The following NRXN3 variants were observed in gnomAD, a reference collection of about 807,000 sequenced individuals.
The protein encoded by NRXN3 is neurexin 3, also known as neurexin III.
NRXN3 carries 32 observed loss-of-function variants against 137.6 expected under a neutral mutation model. The observed-to-expected ratio is 0.23, with a 90% CI of 0.18 to 0.31. The LOEUF is 0.31. Ranked by LOEUF, NRXN3 falls within the 10% of genes least tolerant of loss-of-function variation. The pLI is 1.00. For synonymous variants in NRXN3, 798 were observed against 784.5 expected, an observed-to-expected ratio of 1.02 and a Z score of -0.29; for missense variants, 1,574 against 2,062.5, an observed-to-expected ratio of 0.76 and a Z score of 4.59.
Position 79,514,995 on chromosome 14 carries a change from A to T in NRXN3, c.3444+47593A>T, listed in dbSNP as rs752451322. Among the ~76,000 whole-genome samples, 6 of 150,540 alleles carry T rather than the reference A, an allele frequency of 4.0e-5. 1 individual carries two copies. The highest frequency in any genetic ancestry group is 8.8e-5 in the Non-Finnish European group (6 of 68,040). On this transcript the variant is annotated intron_variant, in intron 16 of 20. Transcript: ENST00000335750. ...CTGACTCACTGCACACTCTAGGCAG[A>T]ATTATTTAACTCCTTCAGTCTTTGT...
intron 14 of NRXN3, among the ~76,000 whole-genome samples, chr14:78,986,312 A>G (rs1228448781): frequency 6.6e-6 from 1 of 152,196 alleles, no homozygotes. Flanking sequence ...TGGGAAATTC[A>G]TGGAGTTATA....
chr14:78,430,368 G>T (rs989025307), intron 4 of NRXN3, among the ~76,000 whole-genome samples: 2 of 152,340 alleles, frequency 1.3e-5, no homozygotes, highest in East Asian at 3.9e-4. Flanking sequence ...AGTATTTTTA[G>T]AGGCACTCTT....
rs2097175262 is a variant in NRXN3, at chr14:78,598,368, C to A, written c.758-46752C>A. ...GCACAACTCCTGACCTGAGATTCTG[C>A]AGAGAGAGAGAGAGAGGGAGGGAGG... On this transcript the variant is annotated intron_variant, in intron 4 of 20. Transcript: ENST00000335750. 1.3e-5 allele frequency among the ~76,000 whole-genome samples: 2 copies of A among 149,072 alleles called. 1 individual carries two copies. Among genetic ancestry groups the A allele is most frequent in the South Asian group, 4.3e-4 (2 of 4,640 alleles).
At position 79,503,001 on chromosome 14, in the gene NRXN3, G is replaced by A. The variant is rs180990013; in HGVS notation, c.3444+35599G>A. 5.8e-4 allele frequency among the ~76,000 whole-genome samples: 88 copies of A among 152,126 alleles called. 1 individual carries two copies. Among genetic ancestry groups the A allele is most frequent in the Non-Finnish European group, 9.9e-4 (67 of 67,996 alleles). ...AAAATAGCCTGCCCAGCCAAGTGAC[G>A]TGGCATTCAGGGGTTATGGTGGCTT... On this transcript the variant is annotated intron_variant, in intron 16 of 20. Coordinates refer to ENST00000335750, the MANE Select transcript of NRXN3 (RefSeq NM_001330195.2).
At chr14:79,535,838 G>T (rs2097206142) in intron 16 of NRXN3, among the ~76,000 whole-genome samples, 1 of 152,158 alleles carries the variant, frequency 6.6e-6, no homozygotes, top group African/African-American at 2.4e-5. Flanking sequence ...TCTAAGGCAG[G>T]TTTACTGTGT....
intron 8 of NRXN3, among the ~76,000 whole-genome samples, chr14:78,725,804 A>G (rs2098480302): frequency 6.6e-6 from 1 of 152,194 alleles, no homozygotes. Flanking sequence ...AAAATTCCTA[A>G]ATTGCTGTGT....
rs533844238 is a variant in NRXN3 at position 79,867,678 on chromosome 14, G to A, written c.*5714G>A. Reference sequence around the variant, plus strand: ...TGTTTCTAGCAAATGTATAGTAGTGGGAATTGCAAAGGTTGAAGTTCCAAA... The same window carrying A: ...TGTTTCTAGCAAATGTATAGTAGTGAGAATTGCAAAGGTTGAAGTTCCAAA... On this transcript the variant is annotated 3_prime_UTR_variant, in exon 21 of 21. Transcript: ENST00000335750. 3.3e-5 allele frequency: 5 copies of A among 152,230 alleles called. 1 individual carries two copies. In the South Asian group the frequency reaches 1.0e-3, roughly 32 times the overall value. The allele number at this position is 152,230 out of a possible 1,614,324, so 9.4% of individuals were successfully genotyped here.
At chr14:78,770,420 G>A (rs1218890721) in intron 8 of NRXN3, among the ~76,000 whole-genome samples, 1 of 152,154 alleles carries the variant, frequency 6.6e-6, no homozygotes, top group African/African-American at 2.4e-5. Flanking sequence ...TGCTCAGGGG[G>A]ATTTTCAAAG....
At chr14:78,803,326 A>T (rs1317470650) in intron 8 of NRXN3, among the ~76,000 whole-genome samples, 1 of 152,186 alleles carries the variant, frequency 6.6e-6, no homozygotes, top group African/African-American at 2.4e-5. Context: ...ACTTTTTCAA[A>T]ATATCTTCAT....
In NRXN3 at chr14:79,007,805, CAAAAA is replaced by C. The variant is rs1160867331; in HGVS notation, c.3262+19683_3262+19687del. Among the ~76,000 whole-genome samples the C allele has an allele frequency of 4.3e-3, 165 of 37,998 alleles. No individual in the cohort carries two copies. In the South Asian group the frequency reaches 0.066, roughly 15 times the overall value. 24.9% of individuals were successfully genotyped at this position (37,998 alleles called of 152,430 possible). ...TGGATGACAGAGCTAGACTCCATCT[CAAAAA>C]AAAAAAAAAAAAAAAAAAGCAGAAA... On this transcript the variant is annotated intron_variant, in intron 15 of 20. Transcript: ENST00000335750.
rs570348072 is a variant in NRXN3 at position 79,641,196 on chromosome 14, G to A, written c.3445-22582G>A. ...CTAATTCTTCTGTATTTTTAGTAGA[G>A]ATTGAGTTTCACCATGTTGGTCAGG... On this transcript the variant is annotated intron_variant, in intron 16 of 20. Coordinates refer to ENST00000335750, the MANE Select transcript of NRXN3 (RefSeq NM_001330195.2). 3.0e-5 allele frequency among the ~76,000 whole-genome samples: 4 copies of A among 133,974 alleles called. 1 individual carries two copies. Among genetic ancestry groups the A allele is most frequent in the African/African-American group, 9.9e-5 (4 of 40,542 alleles). The allele number at this position is 133,974 out of a possible 152,430, so 87.9% of individuals were successfully genotyped here.
chr14:78,499,709 C>A (rs537845883), intron 4 of NRXN3, among the ~76,000 whole-genome samples: 3 of 152,134 alleles, frequency 2.0e-5, no homozygotes, highest in African/African-American at 7.2e-5. Context: ...GGAGAAGAAC[C>A]TGCCTCCAAG....
At chr14:79,453,507 C>T (rs941143661) in intron 15 of NRXN3, among the ~76,000 whole-genome samples, 7 of 152,078 alleles carry the variant, frequency 4.6e-5, no homozygotes, top group Admixed American at 1.3e-4. Context: ...TTGGTCAAAT[C>T]GATTTACATA....
intron 15 of NRXN3, 93 bp downstream of exon 15, chr14:78,988,234 T>C (rs1396914569): frequency 2.0e-6 from 3 of 1,469,266 alleles, no homozygotes; most frequent in Admixed American, 3.4e-5. Flanking sequence ...ATGGCTCTTC[T>C]GAAAGATTCA....
chr14:78,175,613 C>A (rs1314495473), intron 1 of NRXN3, among the ~76,000 whole-genome samples: 1 of 152,128 alleles, frequency 6.6e-6, no homozygotes, highest in Admixed American at 6.5e-5. Context: ...TGAGGGCCAG[C>A]TCTGTTGCTC....
At chr14:79,185,432 A>G (rs907663855) in intron 15 of NRXN3, among the ~76,000 whole-genome samples, 1 of 150,612 alleles carries the variant, frequency 6.6e-6, no homozygotes, top group Non-Finnish European at 1.5e-5. Context: ...TGTAACATCT[A>G]TTTCCATATG....
intron 4 of NRXN3, among the ~76,000 whole-genome samples, chr14:78,509,330 T>C (rs1285984102): frequency 6.6e-6 from 1 of 152,068 alleles, no homozygotes; most frequent in East Asian, 1.9e-4. Flanking sequence ...TAAATTTGGC[T>C]CTGAGTTCTC....
chr14:78,952,253 A>G (rs1336437681), intron 10 of NRXN3, among the ~76,000 whole-genome samples: 4 of 152,136 alleles, frequency 2.6e-5, no homozygotes, highest in Non-Finnish European at 4.4e-5. Context: ...TCCAGTGAAT[A>G]TGAACGCTTT....
intron 15 of NRXN3, among the ~76,000 whole-genome samples, chr14:79,168,665 C>CT (rs1226367639): frequency 1.3e-5 from 2 of 151,814 alleles, no homozygotes; most frequent in African/African-American, 4.8e-5. Flanking sequence ...GTTGACTGTC[C>CT]TATCATGCGT....
Sources: allele counts gnomAD v4.1 joint callset (sites outside exome capture counted in the v4.1 genomes callset), GRCh38; gene constraint gnomAD v4.1.1; transcripts MANE v1.5; gene names NCBI Gene and HGNC (gene_info 2026-07-23, HGNC 2026-07-21).